Variants in RRAGD observed in about 807,000 individuals in gnomAD.
The protein encoded by RRAGD is Ras related GTP binding D, also known as ras-related GTP-binding protein D.
Under a neutral mutation model 35.5 loss-of-function variants are expected in RRAGD, and 12 were observed. The observed-to-expected ratio is 0.34, with a 90% confidence interval of 0.22 to 0.55. The LOEUF is 0.55. RRAGD is among the 20% of genes least tolerant of loss of function. The pLI, the probability that RRAGD is intolerant of heterozygous loss-of-function variation, is 0.91. For missense variants in RRAGD, 324 were observed against 490.1 expected, an observed-to-expected ratio of 0.66 and a Z score of 3.20; for synonymous variants, 155 against 178.9, an observed-to-expected ratio of 0.87 and a Z score of 1.07.
chr6:89,400,560 G>A (rs1040458055), intron 1 of RRAGD, among the ~76,000 whole-genome samples: 2 of 150,724 alleles, frequency 1.3e-5, no homozygotes, highest in African/African-American at 2.4e-5. Flanking sequence ...CAGGTAAAGC[G>A]TTAATCTGAG....
chr6:89,406,982 G>A (rs1014635204), intron 1 of RRAGD, among the ~76,000 whole-genome samples: 5 of 152,276 alleles, frequency 3.3e-5, no homozygotes, highest in African/African-American at 1.2e-4. Context: ...AACTTTTCCC[G>A]TTTTACATTG....
intron 1 of RRAGD, among the ~76,000 whole-genome samples, chr6:89,396,896 C>T (rs1769345337): frequency 6.6e-6 from 1 of 151,380 alleles, no homozygotes; most frequent in Non-Finnish European, 1.5e-5. Flanking sequence ...TGTGCACCAC[C>T]ATGTTCGGCT....
intron 4 of RRAGD, among the ~76,000 whole-genome samples, chr6:89,378,786 C>A (rs1047224846): frequency 2.6e-5 from 4 of 152,244 alleles, no homozygotes; most frequent in African/African-American, 9.6e-5. Context: ...GAGACAAGTT[C>A]TCGCTCTGAT....
intron 2 of RRAGD, 117 bp from the exon 3 acceptor site, chr6:89,380,484 C>G (rs1056585699): frequency 1.3e-6 from 1 of 769,088 alleles, no homozygotes; most frequent in Non-Finnish European, 2.1e-6. Flanking sequence ...TGCAAAGGTT[C>G]CCCTCAACAA....
intron 1 of RRAGD, among the ~76,000 whole-genome samples, chr6:89,401,393 G>T (rs1413564331): frequency 6.6e-6 from 1 of 152,000 alleles, no homozygotes; most frequent in Non-Finnish European, 1.5e-5. Context: ...GAGTAGCTAG[G>T]ATTACGGGCG....
At chr6:89,401,839 ATGTC>A (rs1769471496) in intron 1 of RRAGD, among the ~76,000 whole-genome samples, 1 of 152,106 alleles carries the variant, frequency 6.6e-6, no homozygotes, top group Non-Finnish European at 1.5e-5. Flanking sequence ...CATCTTTAGT[ATGTC>A]TGTCTTCCTG....
chr6:89,384,766 A>G (rs1027795039), intron 2 of RRAGD, among the ~76,000 whole-genome samples: 4 of 150,460 alleles, frequency 2.7e-5, no homozygotes, highest in Non-Finnish European at 5.9e-5. Flanking sequence ...GTGAGCCAAG[A>G]TGGCGCCACT....
Position 89,411,626 on chromosome 6 carries a change from C to T in RRAGD, c.148+220G>A. 1.7e-6 allele frequency: 1 copy of T among 572,270 alleles called. No homozygotes were observed. Among genetic ancestry groups the T allele is most frequent in the Non-Finnish European group, 3.1e-6 (1 of 326,216 alleles). The allele number at this position is 572,270 out of a possible 1,614,324, so 35.4% of individuals were successfully genotyped here. Reference sequence around the variant, plus strand: ...ACGCTTACTCCCTCCTTCCCCTTTTCCACCGATCCTGGTTGCCCCTCCGCC... The same window carrying T: ...ACGCTTACTCCCTCCTTCCCCTTTTTCACCGATCCTGGTTGCCCCTCCGCC... On this transcript the variant is annotated intron_variant, in intron 1 of 6. Coordinates refer to ENST00000369415, the MANE Select transcript of RRAGD (RefSeq NM_021244.5). This position sits in a 1 kb window ranked among gnomAD's most constrained non-coding sequence, Gnocchi z 5.6.
At chr6:89,385,901 G>A (rs893054802) in intron 2 of RRAGD, among the ~76,000 whole-genome samples, 9 of 152,126 alleles carry the variant, frequency 5.9e-5, no homozygotes, top group African/African-American at 2.2e-4. Flanking sequence ...ATCCTCTCAG[G>A]CATGGGGAGT....
intron 1 of RRAGD, among the ~76,000 whole-genome samples, chr6:89,396,252 CA>C (rs905678910): frequency 1.3e-5 from 2 of 151,098 alleles, no homozygotes; most frequent in Non-Finnish European, 2.9e-5. Context: ...CAGCAACTCT[CA>C]AAAAAAATAA....
intron 2 of RRAGD, among the ~76,000 whole-genome samples, chr6:89,382,955 A>G (rs1283941988): frequency 1.3e-5 from 2 of 152,232 alleles, no homozygotes; most frequent in Non-Finnish European, 2.9e-5. Flanking sequence ...ATTAAAAACT[A>G]AAGGTATTAC....
chr6:89,393,761 A>G (rs907758093), intron 1 of RRAGD, among the ~76,000 whole-genome samples: 5 of 152,262 alleles, frequency 3.3e-5, no homozygotes, highest in Non-Finnish European at 5.9e-5. Context: ...AGCAGAGTTA[A>G]TAACAGAATC....
intron 1 of RRAGD, among the ~76,000 whole-genome samples, chr6:89,392,216 A>G (rs1402753148): frequency 6.6e-6 from 1 of 152,046 alleles, no homozygotes; most frequent in Non-Finnish European, 1.5e-5. Context: ...GCTCATGCCT[A>G]TAATGCCAGC....
rs1026412138 is a variant in RRAGD at position 89,366,354 on chromosome 6, C to G, written c.*1702G>C. ...ACCATCTTGGGCAACACAGTGAGAT[C>G]CTGTCTCTACAAAAACAAAATTTAA... On this transcript the variant is annotated 3_prime_UTR_variant, in exon 7 of 7. Transcript: ENST00000369415. The G allele has an allele frequency of 6.6e-6, 1 of 152,032 alleles. No homozygotes were observed. Among genetic ancestry groups the G allele is most frequent in the Non-Finnish European group, 1.5e-5 (1 of 68,118 alleles). The allele number at this position is 152,032 out of a possible 1,614,324, so 9.4% of individuals were successfully genotyped here. A position where few individuals can be genotyped will look rare whatever the true frequency, so the allele number is the denominator to read the frequency against.
intron 5 of RRAGD, among the ~76,000 whole-genome samples, chr6:89,377,157 T>C (rs1305606538): frequency 1.3e-5 from 2 of 152,238 alleles, no homozygotes; most frequent in Non-Finnish European, 2.9e-5. Flanking sequence ...CAATCATTCA[T>C]GTTATTGGTA....
At chr6:89,403,702 A>G (rs555077405) in intron 1 of RRAGD, among the ~76,000 whole-genome samples, 254 of 147,330 alleles carry the variant, frequency 1.7e-3, no homozygotes, top group South Asian at 2.7e-3. Context: ...TGGCTCAATC[A>G]TAGCTCACTG....
At chr6:89,401,739 C>T (rs1051643510) in intron 1 of RRAGD, among the ~76,000 whole-genome samples, 1 of 152,196 alleles carries the variant, frequency 6.6e-6, no homozygotes, top group Non-Finnish European at 1.5e-5. Flanking sequence ...AGCCCAGCTG[C>T]AATGTCACCC....
At chr6:89,375,643 C>T (rs1052028993) in intron 5 of RRAGD, among the ~76,000 whole-genome samples, 4 of 152,172 alleles carry the variant, frequency 2.6e-5, no homozygotes, top group African/African-American at 9.7e-5. Context: ...TTCCTCATTG[C>T]CTAAGAGGGC....
In RRAGD at chr6:89,411,414, C is replaced by T. The variant is rs547909001; in HGVS notation, c.148+432G>A. 4.1e-3 allele frequency: 639 copies of T among 155,920 alleles called. 5 individuals carry two copies. The highest frequency in any genetic ancestry group is 4.0e-3 in the Admixed American group (62 of 15,394). The allele number at this position is 155,920 out of a possible 1,614,324, so 9.7% of individuals were successfully genotyped here. On this transcript the variant is annotated intron_variant, in intron 1 of 6. Coordinates refer to ENST00000369415, the MANE Select transcript of RRAGD (RefSeq NM_021244.5). The surrounding 1 kb of genome is among the most constrained non-coding windows in gnomAD (Gnocchi z 5.6). ...ACGACCCTGCCAGTCACGCCGCCGCCGGCTGCCTTTTTTTAGCCACGACAT... is the reference window on the plus strand; with the variant it reads ...ACGACCCTGCCAGTCACGCCGCCGCTGGCTGCCTTTTTTTAGCCACGACAT...
Sources: gnomAD v4.1 joint callset for allele counts (sites outside exome capture counted in the v4.1 genomes callset) on GRCh38, gnomAD v4.1.1 for gene constraint, Gnocchi (gnomAD v3.1) non-coding constraint, MANE v1.5 for transcripts, NCBI Gene and HGNC (gene_info 2026-07-23, HGNC 2026-07-21) for gene names.